PYGO1: variants seen among roughly 807,000 people sequenced by gnomAD.
PYGO1 encodes the protein pygopus family PHD finger 1.
Under a neutral mutation model 29.5 loss-of-function variants are expected in PYGO1, and 6 were observed. The observed-to-expected ratio is 0.20, with a 90% CI of 0.11 to 0.40. The LOEUF (loss-of-function observed/expected upper bound fraction) is 0.40, where lower values mean the gene tolerates loss of function less well. PYGO1 is among the 10% of genes least tolerant of loss of function. The pLI, the probability that PYGO1 is intolerant of heterozygous loss-of-function variation, is 1.00. For synonymous variants in PYGO1, 186 were observed against 180.5 expected (o/e 1.03, Z -0.24); for missense variants, 515 against 514.9 (o/e 1.00, Z 0.00).
chr15:55,583,006 A>G (rs531885053), intron 1 of PYGO1, among the ~76,000 whole-genome samples: 5 of 152,206 alleles, frequency 3.3e-5, no homozygotes, highest in African/African-American at 1.2e-4. Flanking sequence ...ATACATCCTT[A>G]TCCCTTCTAT....
Position 55,570,398 on chromosome 15 carries a change from A to G in PYGO1, c.49+17437T>C, listed in dbSNP as rs368642674. On this transcript the variant is annotated intron_variant, in intron 1 of 2. Coordinates refer to ENST00000563719, the MANE Select transcript of PYGO1 (RefSeq NM_001367806.1). ...CAAATTTTACTCTGATTTATCAAAA[A>G]TATCTAAACTAGTCATTTTCAATCT... Among the ~76,000 whole-genome samples the G allele has an allele frequency of 9.2e-5, 14 of 152,282 alleles. No individual in the cohort carries two copies. The East Asian group carries it at 9.6e-4, about 10-fold the overall frequency.
intron 1 of PYGO1, among the ~76,000 whole-genome samples, chr15:55,557,370 A>G (rs1335803389): frequency 2.0e-5 from 3 of 152,214 alleles, no homozygotes; most frequent in Admixed American, 2.0e-4. Context: ...CAACCAAAAA[A>G]AGTCCAGGAC....
intron 1 of PYGO1, 141 bp downstream of exon 1, chr15:55,587,694 C>A: frequency 1.7e-6 from 2 of 1,172,072 alleles, no homozygotes; most frequent in South Asian, 4.2e-5. Context: ...GGATCGCAGC[C>A]TCGGCCCCGG....
At chr15:55,557,262 C>T (rs1038411957) in intron 1 of PYGO1, among the ~76,000 whole-genome samples, 4 of 151,584 alleles carry the variant, frequency 2.6e-5, no homozygotes, top group Admixed American at 6.6e-5. Context: ...ATAAATTCCT[C>T]GACACATACA....
chr15:55,555,369 T>C (rs2058899583), intron 1 of PYGO1, among the ~76,000 whole-genome samples: 2 of 151,306 alleles, frequency 1.3e-5, no homozygotes, highest in Admixed American at 6.6e-5. Context: ...GCACTAAATA[T>C]GGAAAGGAAA....
intron 1 of PYGO1, among the ~76,000 whole-genome samples, chr15:55,556,723 G>C (rs964085938): frequency 6.6e-6 from 1 of 150,626 alleles, no homozygotes; most frequent in African/African-American, 2.4e-5. Flanking sequence ...TTGGTATTTC[G>C]AAAAAATTAA....
At chr15:55,575,117 T>C (rs2058995870) in intron 1 of PYGO1, among the ~76,000 whole-genome samples, 1 of 152,208 alleles carries the variant, frequency 6.6e-6, no homozygotes, top group Non-Finnish European at 1.5e-5. Flanking sequence ...CAGAGTTGTG[T>C]CTTTCTGACT....
Position 55,542,121 on chromosome 15 carries a change from A to G in PYGO1, c.*3902T>C, listed in dbSNP as rs1046109048. 31 of 152,352 alleles carry G rather than the reference A, an allele frequency of 2.0e-4. No homozygotes were observed. Among genetic ancestry groups the G allele is most frequent in the African/African-American group, 7.2e-4 (30 of 41,582 alleles). 9.4% of individuals were successfully genotyped at this position (152,352 alleles called of 1,614,324 possible). A position where few individuals can be genotyped will look rare whatever the true frequency, so the allele number is the denominator to read the frequency against. ...TCCCTTTTAAAAAATCATTGCTTAT[A>G]TATTTTCTTACTATTAAATACAATT... On this transcript the variant is annotated 3_prime_UTR_variant, in exon 3 of 3. Transcript: ENST00000563719.
chr15:55,581,657 T>G (rs1248839671), intron 1 of PYGO1, among the ~76,000 whole-genome samples: 1 of 152,146 alleles, frequency 6.6e-6, no homozygotes, highest in Non-Finnish European at 1.5e-5. Context: ...GAACATCAAT[T>G]CCTCGACTGT....
chr15:55,570,416 T>G (rs2058975408), intron 1 of PYGO1, among the ~76,000 whole-genome samples: 1 of 152,190 alleles, frequency 6.6e-6, no homozygotes, highest in South Asian at 2.1e-4. Context: ...ACTAGTCATT[T>G]TCAATCTTGG....
rs1472731662 is a variant in PYGO1 at position 55,541,889 on chromosome 15, CA to C, written c.*4133del. On this transcript the variant is annotated 3_prime_UTR_variant, in exon 3 of 3. Coordinates refer to ENST00000563719, the MANE Select transcript of PYGO1 (RefSeq NM_001367806.1). ...TTCCTAAAGAAAACTGAGAGTTCAG[CA>C]TGATACTATTAACTAGATTATGGTC... 1 of 152,186 alleles carries C rather than the reference CA, an allele frequency of 6.6e-6. No homozygotes were observed. Among genetic ancestry groups the C allele is most frequent in the Non-Finnish European group, 1.5e-5 (1 of 68,042 alleles). 9.4% of individuals were successfully genotyped at this position (152,186 alleles called of 1,614,324 possible).
Position 55,587,706 on chromosome 15 carries a change from G to T in PYGO1, c.49+129C>A. 5 of 1,190,174 alleles carry T rather than the reference G, an allele frequency of 4.2e-6. No homozygotes were observed. The South Asian group carries it at 1.6e-4, about 38-fold the overall frequency. The allele number at this position is 1,190,174 out of a possible 1,614,324, so 73.7% of individuals were successfully genotyped here. A position where few individuals can be genotyped will look rare whatever the true frequency, so the allele number is the denominator to read the frequency against. ...CTCGGATCGCAGCCTCGGCCCCGGG[G>T]TGCCGGCGGGACGCGGGCTGCGCGG... is the stretch of plus-strand genomic sequence containing the variant. On this transcript the variant is annotated intron_variant, in intron 1 of 2. Transcript: ENST00000563719.
At chr15:55,564,886 T>C (rs994434789) in intron 1 of PYGO1, among the ~76,000 whole-genome samples, 1 of 152,178 alleles carries the variant, frequency 6.6e-6, no homozygotes, top group Non-Finnish European at 1.5e-5. Context: ...TCCAATCTCA[T>C]CATTCTTGTC....
chr15:55,558,218 G>C (rs1300102624), intron 1 of PYGO1, among the ~76,000 whole-genome samples: 1 of 152,076 alleles, frequency 6.6e-6, no homozygotes, highest in African/African-American at 2.4e-5. Flanking sequence ...GACAAACAGA[G>C]AGCCAAATCA....
Position 55,546,472 on chromosome 15 carries a change from T to C in PYGO1, c.811A>G (p.Ile271Val). 6.2e-7 allele frequency: 1 copy of C among 1,614,190 alleles called. No individual in the cohort carries two copies. The highest frequency in any genetic ancestry group is 8.5e-7 in the Non-Finnish European group (1 of 1,180,030). ...NMDDTVNQSN[I>V]ELKNVNRNNA... Reference sequence around the variant, plus strand: ...TTTCGATTAACATTTTTTAATTCAATATTACTCTGATTCACTGTGTCATCC... The same window carrying C: ...TTTCGATTAACATTTTTTAATTCAACATTACTCTGATTCACTGTGTCATCC... Residue 271 changes from isoleucine (I) to valine (V), a missense_variant, in exon 3 of 3, where the codon ATT becomes GTT. Transcript: ENST00000563719.
Position 55,576,261 on chromosome 15 carries a change from C to A in PYGO1, c.49+11574G>T, listed in dbSNP as rs534444347. ...CACGAGGTCAGGAGATCGAGACCATCCCGGCTAAAACGGTGAAACCCCGTC... is the reference window on the plus strand; with the variant it reads ...CACGAGGTCAGGAGATCGAGACCATACCGGCTAAAACGGTGAAACCCCGTC... On this transcript the variant is annotated intron_variant, in intron 1 of 2. Coordinates refer to ENST00000563719, the MANE Select transcript of PYGO1 (RefSeq NM_001367806.1). 1.5e-3 allele frequency among the ~76,000 whole-genome samples: 214 copies of A among 145,078 alleles called. 1 individual carries two copies. Among genetic ancestry groups the A allele is most frequent in the African/African-American group, 5.3e-3 (204 of 38,796 alleles).
intron 1 of PYGO1, among the ~76,000 whole-genome samples, chr15:55,564,153 A>T (rs1250995262): frequency 6.6e-6 from 1 of 152,246 alleles, no homozygotes; most frequent in Non-Finnish European, 1.5e-5. Flanking sequence ...AATAGCCAAA[A>T]AAGTAGAAAC....
Position 55,563,602 on chromosome 15 carries a change from G to A in PYGO1, c.50-14607C>T, listed in dbSNP as rs556678980. 3.5e-4 allele frequency among the ~76,000 whole-genome samples: 54 copies of A among 152,118 alleles called. No homozygotes were observed. In the South Asian group the frequency reaches 5.4e-3, roughly 15 times the overall value. ...CCTGACCTCGTGATCCGCCTGCCTC[G>A]GCCTCCCAAAGTGTTGGGATTACAG... On this transcript the variant is annotated intron_variant, in intron 1 of 2. Coordinates refer to ENST00000563719, the MANE Select transcript of PYGO1 (RefSeq NM_001367806.1).
At chr15:55,554,494 G>C (rs375683566) in intron 1 of PYGO1, among the ~76,000 whole-genome samples, 1 of 121,332 alleles carries the variant, frequency 8.2e-6, no homozygotes, top group Non-Finnish European at 1.7e-5. Context: ...AAAAAAAAAA[G>C]AAAGAAAGAA....
Sources: allele counts gnomAD v4.1 joint callset (sites outside exome capture counted in the v4.1 genomes callset), GRCh38; gene constraint gnomAD v4.1.1; transcripts MANE v1.5; gene names NCBI Gene and HGNC (gene_info 2026-07-23, HGNC 2026-07-21).